MAMDC4: variants seen among roughly 807,000 people sequenced by gnomAD.
MAMDC4 encodes the protein apical endosomal glycoprotein.
Under a neutral mutation model 153.3 loss-of-function variants are expected in MAMDC4, and 168 were observed. The ratio of observed to expected loss-of-function variants is 1.10; its 90% CI spans 0.97 to 1.25. The LOEUF is 1.25. MAMDC4 is among the 50% of genes most tolerant of loss of function. The pLI, the probability that MAMDC4 is intolerant of heterozygous loss-of-function variation, is 0.00. For missense variants in MAMDC4, 1,701 were observed against 1,542.8 expected, an observed-to-expected ratio of 1.10 and a Z score of -1.72; for synonymous variants, 744 against 651.5, an observed-to-expected ratio of 1.14 and a Z score of -2.16.
intron 25 of MAMDC4, chr9:136,859,673 C>T (rs1849058220): frequency 6.6e-6 from 4 of 609,024 alleles, no homozygotes; most frequent in East Asian, 5.6e-5. Context: ...AGAATCTCGC[C>T]TGGGGCCATG....
At position 136,853,822 on chromosome 9, in the gene MAMDC4, TGACCCTGTGGCAGAGCACAGGGCCC is replaced by T; in HGVS notation, c.501_525del (p.Thr168GlyfsTer10). The T allele has an allele frequency of 6.2e-7, 1 of 1,612,200 alleles. No individual in the cohort carries two copies. The highest frequency in any genetic ancestry group is 8.5e-7 in the Non-Finnish European group (1 of 1,179,644). On this transcript the variant is annotated frameshift_variant, in exon 5 of 27. Transcript: ENST00000317446. LOFTEE classifies it high-confidence loss of function. Reference sequence around the variant, plus strand: ...GAGCTGACCCATGGCGCAGAGACCCTGACCCTGTGGCAGAGCACAGGGCCCTGGGGCCCTGGCTGGCAGGAGTTGG... The same window carrying T: ...GAGCTGACCCATGGCGCAGAGACCCTTGGGGCCCTGGCTGGCAGGAGTTGG...
Position 136,857,149 on chromosome 9 carries a change from G to C in MAMDC4, c.1973-16G>C. 1 of 1,612,184 alleles carries C rather than the reference G, an allele frequency of 6.2e-7. No individual in the cohort carries two copies. The highest frequency in any genetic ancestry group is 8.5e-7 in the Non-Finnish European group (1 of 1,179,666). On this transcript the variant is annotated splice_polypyrimidine_tract_variant and intron_variant, in intron 16 of 26. Coordinates refer to ENST00000317446, the MANE Select transcript of MAMDC4 (RefSeq NM_206920.3). The stretch of plus-strand genomic sequence containing the variant: ...ACAGGAGAGAGGTCAGTTATGGACT[G>C]GTCCCCTCCCTGCAGGGACTCTGCG...
intron 14 of MAMDC4, 134 bp from the exon 15 acceptor site, chr9:136,856,576 G>A (rs968470701): frequency 2.3e-6 from 2 of 867,284 alleles, no homozygotes; most frequent in Non-Finnish European, 2.0e-6. Flanking sequence ...AGAGACAGAG[G>A]TTCCTGCTGC....
intron 22 of MAMDC4, 33 bp downstream of exon 22, chr9:136,858,579 C>T: frequency 6.4e-7 from 1 of 1,564,218 alleles, no homozygotes; most frequent in Non-Finnish European, 8.7e-7. Flanking sequence ...TGGGGAGGCA[C>T]ACACAGCCAC....
At position 136,855,544 on chromosome 9, in the gene MAMDC4, G is replaced by A. The variant is rs766353838; in HGVS notation, c.1396G>A (p.Asp466Asn). 1 of 1,591,466 alleles carries A rather than the reference G, an allele frequency of 6.3e-7. No homozygotes were observed. The highest frequency in any genetic ancestry group is 1.3e-5 in the African/African-American group (1 of 74,694). ...CAAGCAGGGGCATCTTGCCTGCGGG[G>A]ACCTGTGTGTGCCCCCGGAACAACT... ...SCKQGHLACGDLCVPPEQLCD... is the reference protein window; with the variant it reads ...SCKQGHLACGNLCVPPEQLCD... The change falls in exon 12 of 27, where the codon GAC becomes AAC. Residue 466 changes from aspartate (D) to asparagine (N), a missense_variant. Transcript: ENST00000317446.
rs1438316028 is a variant in MAMDC4, at chr9:136,859,000, C to A, written c.2957-5C>A. The A allele has an allele frequency of 2.0e-6, 3 of 1,518,190 alleles. No individual in the cohort carries two copies. Among genetic ancestry groups the A allele is most frequent in the Middle Eastern group, 1.7e-4 (1 of 5,746 alleles). The allele number at this position is 1,518,190 out of a possible 1,614,324, so 94.0% of individuals were successfully genotyped here. ...AGGCCTGACACGCCCTGGCCCTGCT[C>A]TCAGACAAGGGGGAGCTGAAGGTAC... On this transcript the variant is annotated splice_polypyrimidine_tract_variant and splice_region_variant and intron_variant, in intron 23 of 26. Coordinates refer to ENST00000317446, the MANE Select transcript of MAMDC4 (RefSeq NM_206920.3).
chr9:136,853,722 T>A, intron 4 of MAMDC4, 52 bp downstream of exon 4: 1 of 516,996 alleles, frequency 1.9e-6, no homozygotes, highest in Admixed American at 2.4e-5. Context: ...GGAGGGCGGG[T>A]GGGCAGCTGG....
chr9:136,854,569 G>T lies in MAMDC4; in HGVS notation c.827G>T (p.Gly276Val), dbSNP rs1257338009. ...CACATAGCCACCGACTTTGAGACAGGCCTGGGCCCATGGAACCGCTCGGAA... is the reference window on the plus strand; with the variant it reads ...CACATAGCCACCGACTTTGAGACAGTCCTGGGCCCATGGAACCGCTCGGAA... ...GRHIATDFET[G>V]LGPWNRSEGW... Residue 276 changes from glycine (G) to valine (V), a missense_variant, in exon 8 of 27, where the codon GGC becomes GTC. Gly to Val is a moderately radical substitution (Grantham distance 109). Coordinates refer to ENST00000317446, the MANE Select transcript of MAMDC4 (RefSeq NM_206920.3). The T allele has an allele frequency of 1.2e-6, 2 of 1,607,116 alleles. No individual in the cohort carries two copies. Among genetic ancestry groups the T allele is most frequent in the East Asian group, 2.2e-5 (1 of 44,468 alleles).
At position 136,859,071 on chromosome 9, in the gene MAMDC4, G is replaced by A. The variant is rs1181357211; in HGVS notation, c.3023G>A (p.Gly1008Glu). The A allele has an allele frequency of 3.2e-6, 5 of 1,555,846 alleles. No homozygotes were observed. Among genetic ancestry groups the A allele is most frequent in the Non-Finnish European group, 4.4e-6 (5 of 1,149,196 alleles). ...CAGCTGGCTGTGTGGGGCGCAGGCG[G>A]GCATCGGCGGCACCAGTGGCTGGAG... ...QGQLAVWGAGGHRRHQWLEAQ... is the reference protein window; with the variant it reads ...QGQLAVWGAGEHRRHQWLEAQ... The change falls in exon 24 of 27, where the codon GGG (glycine) becomes GAG (glutamate). Residue 1008 changes from glycine (G) to glutamate (E), a missense_variant. Gly to Glu is a moderately conservative substitution (Grantham distance 98). Transcript: ENST00000317446.
chr9:136,853,407 GCACTGGAGGGTCCTGGGCCT>G lies in MAMDC4; in HGVS notation c.282_301del (p.Glu95ArgfsTer54). 1 of 1,603,808 alleles carries G rather than the reference GCACTGGAGGGTCCTGGGCCT, an allele frequency of 6.2e-7. No homozygotes were observed. ...CTGGCTCCGAGACAGGGCAGGGGCC[GCACTGGAGGGTCCTGGGCCT>G]CACTCAGACCACACACTGGGCACCG... is the stretch of plus-strand genomic sequence containing the variant. On this transcript the variant is annotated frameshift_variant, in exon 3 of 27. Coordinates refer to ENST00000317446, the MANE Select transcript of MAMDC4 (RefSeq NM_206920.3). LOFTEE classifies it high-confidence loss of function.
rs1318504601 is a variant in MAMDC4 at position 136,855,320 on chromosome 9, C to G, written c.1264C>G (p.His422Asp). ...VGLDDLILSDHCRPVSEVSTL... is the reference protein window; with the variant it reads ...VGLDDLILSDDCRPVSEVSTL... ...TCTGGACGACCTCATCCTGTCTGAC[C>G]ACTGCAGACCAGTCTCGGGTGAGCC... The change falls in exon 11 of 27, where the codon CAC becomes GAC. Residue 422 changes from histidine to aspartate, a missense_variant. Physicochemically the swap from His to Asp is moderately conservative, Grantham distance 81. Coordinates refer to ENST00000317446, the MANE Select transcript of MAMDC4 (RefSeq NM_206920.3). 1.2e-6 allele frequency: 2 copies of G among 1,606,674 alleles called. No homozygotes were observed. The highest frequency in any genetic ancestry group is 2.2e-5 in the East Asian group (1 of 44,798).
chr9:136,854,939 G>C lies in MAMDC4; in HGVS notation c.1026G>C (p.Leu342=), dbSNP rs1044794699. The stretch of plus-strand genomic sequence containing the variant: ...CCAGCCAGCTCTTGGTTCCACAGCT[G>C]GTCTTCTATCAGTACCTGAGTGGGT... ...FQASGTSNCS[L]VFYQYLSGSE... The change falls in exon 10 of 27, where the codon CTG becomes CTC. Residue 342 remains leucine, a splice_region_variant and synonymous_variant. Transcript: ENST00000317446. 6 of 1,611,688 alleles carry C rather than the reference G, an allele frequency of 3.7e-6. No individual in the cohort carries two copies. The African/African-American group carries it at 6.7e-5, about 18-fold the overall frequency.
At chr9:136,859,682 T>C (rs1044732349) in intron 25 of MAMDC4, 3 of 613,132 alleles carry the variant, frequency 4.9e-6, no homozygotes, top group East Asian at 5.6e-5. Context: ...CCTGGGGCCA[T>C]GAGCCCCACC....
intron 19 of MAMDC4, 75 bp downstream of exon 19, chr9:136,857,871 G>C: frequency 6.6e-7 from 1 of 1,526,638 alleles, no homozygotes; most frequent in Non-Finnish European, 8.8e-7. Flanking sequence ...CTTGTGCTGA[G>C]GCCACTGGGG....
chr9:136,853,003 G>A (rs956914827), intron 1 of MAMDC4, 99 bp from the exon 2 acceptor site: 11 of 1,010,802 alleles, frequency 1.1e-5, no homozygotes, highest in African/African-American at 6.4e-5. Flanking sequence ...GGGCATCCCC[G>A]GACAAAAGAT....
chr9:136,856,177 G>A, intron 14 of MAMDC4, 28 bp downstream of exon 14: 2 of 1,611,376 alleles, frequency 1.2e-6, no homozygotes, highest in Admixed American at 1.7e-5. Flanking sequence ...AAGTTCCCTG[G>A]CCAGCCCCTG....
rs1279524744 is a variant in MAMDC4, at chr9:136,855,121, G to T, written c.1197+11G>T. ...GCCTACCCCTTCCAGGTAGGGAACA[G>T]CAAGAGGGTGGGGTCTGGGGAGCCG... On this transcript the variant is annotated intron_variant, in intron 10 of 26. Transcript: ENST00000317446. 2 of 1,567,322 alleles carry T rather than the reference G, an allele frequency of 1.3e-6. No individual in the cohort carries two copies. Among genetic ancestry groups the T allele is most frequent in the Non-Finnish European group, 1.7e-6 (2 of 1,156,630 alleles).
At position 136,860,715 on chromosome 9, in the gene MAMDC4, G is replaced by C; in HGVS notation, c.*112G>C. On this transcript the variant is annotated 3_prime_UTR_variant, in exon 27 of 27. Coordinates refer to ENST00000317446, the MANE Select transcript of MAMDC4 (RefSeq NM_206920.3). ...GGCTGGGACAGGCTGCAGGTCTCAGGATATGCTGAGGCCTGGGCGTTCCCT... is the reference window on the plus strand; with the variant it reads ...GGCTGGGACAGGCTGCAGGTCTCAGCATATGCTGAGGCCTGGGCGTTCCCT... 5.9e-6 allele frequency: 7 copies of C among 1,177,072 alleles called. No individual in the cohort carries two copies. The highest frequency in any genetic ancestry group is 8.7e-6 in the Non-Finnish European group (7 of 801,940). 72.9% of individuals were successfully genotyped at this position (1,177,072 alleles called of 1,614,324 possible).
Position 136,859,876 on chromosome 9 carries a change from T to C in MAMDC4, c.3194-10T>C, listed in dbSNP as rs759354549. On this transcript the variant is annotated splice_polypyrimidine_tract_variant and intron_variant, in intron 25 of 26. Transcript: ENST00000317446. Reference sequence around the variant, plus strand: ...GCTTTGGAGGGCTCACATGTCCCTATGGCCCACAGGGAACACAGCCGCACC... The same window carrying C: ...GCTTTGGAGGGCTCACATGTCCCTACGGCCCACAGGGAACACAGCCGCACC... 1 of 1,611,212 alleles carries C rather than the reference T, an allele frequency of 6.2e-7. No homozygotes were observed. Among genetic ancestry groups the C allele is most frequent in the African/African-American group, 1.3e-5 (1 of 75,010 alleles).
Sources: allele counts gnomAD v4.1 joint callset, GRCh38; gene constraint gnomAD v4.1.1; transcripts MANE v1.5; gene names NCBI Gene and HGNC (gene_info 2026-07-23, HGNC 2026-07-21).